NSF: variants seen among roughly 807,000 people sequenced by gnomAD.
NSF encodes the protein N-ethylmaleimide sensitive factor, vesicle fusing ATPase, also known as vesicle-fusing ATPase.
Under a neutral mutation model 50.3 loss-of-function variants are expected in NSF, and 14 were observed. That is an observed-to-expected ratio of 0.28 (90% confidence interval 0.18 to 0.44). The LOEUF is 0.44. Among genes scored for constraint, NSF ranks in the 20% least tolerant of loss-of-function variants. The pLI, the probability that NSF is intolerant of heterozygous loss-of-function variation, is 1.00. For missense variants in NSF, 218 were observed against 504.3 expected (o/e 0.43, Z 5.44); for synonymous variants, 109 against 175.7 (o/e 0.62, Z 3.00).
rs183868515 is a variant in NSF, at chr17:46,714,395, A to G, written c.1761+409A>G. Among the ~76,000 whole-genome samples, 4 of 152,322 alleles carry G rather than the reference A, an allele frequency of 2.6e-5. No individual in the cohort carries two copies. In the East Asian group the frequency reaches 7.7e-4, roughly 29 times the overall value. The stretch of plus-strand genomic sequence containing the variant: ...GAAGACAGAGATGTATCAATGGGAA[A>G]ATAGTCCCAGGAATCCCTACAAAAG... On this transcript the variant is annotated intron_variant, in intron 15 of 20. Transcript: ENST00000398238.
chr17:46,679,069 C>T (rs2058428624), intron 9 of NSF, among the ~76,000 whole-genome samples: 1 of 151,918 alleles, frequency 6.6e-6, no homozygotes, highest in Admixed American at 6.5e-5. Flanking sequence ...GAGAGCTTAC[C>T]TAAAGTATAG....
intron 17 of NSF, among the ~76,000 whole-genome samples, chr17:46,735,068 A>G (rs1425858900): frequency 6.6e-6 from 1 of 152,200 alleles, no homozygotes. Context: ...AAACCAACAA[A>G]AAACAGTGAA....
intron 4 of NSF, among the ~76,000 whole-genome samples, chr17:46,631,088 A>ACACACACACACACACACACACG (rs2058134569): frequency 6.9e-6 from 1 of 145,932 alleles, no homozygotes; most frequent in East Asian, 2.0e-4. Flanking sequence ...ACACACACAC[A>ACACACACACACACACACACACG]CACACACACA....
chr17:46,679,748 T>A (rs917226857), intron 9 of NSF, among the ~76,000 whole-genome samples: 5 of 151,082 alleles, frequency 3.3e-5, no homozygotes, highest in African/African-American at 9.8e-5. Flanking sequence ...AATGTGCATG[T>A]GAAAGTTGTA....
intron 17 of NSF, among the ~76,000 whole-genome samples, chr17:46,743,367 T>G (rs1044488593): frequency 6.6e-6 from 1 of 152,206 alleles, no homozygotes; most frequent in African/African-American, 2.4e-5. Flanking sequence ...GATGCTTGCT[T>G]CTTTTCCTTC....
intron 17 of NSF, among the ~76,000 whole-genome samples, chr17:46,729,479 G>GTGGC (rs2058926982): frequency 1.3e-5 from 2 of 152,222 alleles, no homozygotes; most frequent in South Asian, 4.1e-4. Flanking sequence ...TTTTACTGAT[G>GTGGC]TGGCTATTAG....
chr17:46,731,014 TTC>T (rs1277374516), intron 17 of NSF, among the ~76,000 whole-genome samples: 1 of 152,144 alleles, frequency 6.6e-6, no homozygotes, highest in Non-Finnish European at 1.5e-5. Flanking sequence ...AACCCAGCTA[TTC>T]CACCAAGTAT....
At chr17:46,721,952 A>C in intron 15 of NSF, 1 of 1,604,446 alleles carries the variant, frequency 6.2e-7, no homozygotes, top group Non-Finnish European at 8.5e-7. Context: ...GATTTTCTGG[A>C]AAGATTTCAG....
At chr17:46,742,052 C>T (rs2146323263) in intron 17 of NSF, among the ~76,000 whole-genome samples, 1 of 152,290 alleles carries the variant, frequency 6.6e-6, no homozygotes, top group East Asian at 1.9e-4. Flanking sequence ...CTGCACTGGC[C>T]AATAGTACTT....
At chr17:46,744,258 C>T (rs1028374117) in intron 17 of NSF, among the ~76,000 whole-genome samples, 1 of 152,218 alleles carries the variant, frequency 6.6e-6, no homozygotes, top group Non-Finnish European at 1.5e-5. Context: ...ATTGTTAATG[C>T]TCCAATTGGC....
At chr17:46,724,540 G>T (rs1459020883) in intron 15 of NSF, among the ~76,000 whole-genome samples, 1 of 152,100 alleles carries the variant, frequency 6.6e-6, no homozygotes, top group East Asian at 1.9e-4. Flanking sequence ...ACCAAAGCAA[G>T]CCCCATAGTT....
chr17:46,724,600 G>A (rs149531260), intron 15 of NSF, among the ~76,000 whole-genome samples: 88 of 152,230 alleles, frequency 5.8e-4, no homozygotes, highest in African/African-American at 1.9e-3. Context: ...CTGTGCCCCC[G>A]TATCATCTTG....
At chr17:46,708,490 C>G (rs1158124285) in intron 13 of NSF, among the ~76,000 whole-genome samples, 1 of 143,048 alleles carries the variant, frequency 7.0e-6, no homozygotes, top group African/African-American at 2.6e-5. Flanking sequence ...TGTTACATAT[C>G]CTTTTTTTTT....
chr17:46,687,425 C>T (rs2146220678), intron 9 of NSF, among the ~76,000 whole-genome samples: 1 of 151,302 alleles, frequency 6.6e-6, no homozygotes, highest in South Asian at 2.1e-4. Context: ...TCCCTTGTAT[C>T]TTTTCCCTTC....
intron 1 of NSF, among the ~76,000 whole-genome samples, chr17:46,622,687 T>C (rs1008136841): frequency 6.9e-6 from 1 of 144,820 alleles, no homozygotes; most frequent in Non-Finnish European, 1.5e-5. Flanking sequence ...GGCATGAGAA[T>C]CGCTTGAACC....
At chr17:46,742,061 T>G (rs2059078933) in intron 17 of NSF, among the ~76,000 whole-genome samples, 1 of 152,228 alleles carries the variant, frequency 6.6e-6, no homozygotes, top group South Asian at 2.1e-4. Flanking sequence ...CCAATAGTAC[T>G]TGTTATCTCA....
At chr17:46,684,402 A>G (rs1485518689) in intron 9 of NSF, among the ~76,000 whole-genome samples, 2 of 151,382 alleles carry the variant, frequency 1.3e-5, no homozygotes, top group Non-Finnish European at 1.5e-5. Flanking sequence ...AGTCTTTGCT[A>G]TTGTGAACAG....
At chr17:46,728,993 A>T (rs1468776768) in intron 17 of NSF, 59 bp downstream of exon 17, 1 of 1,030,778 alleles carries the variant, frequency 9.7e-7, no homozygotes, top group Non-Finnish European at 1.5e-6. Flanking sequence ...TAAATCGCAT[A>T]TAATGATACA....
At chr17:46,688,027 TA>T (rs1339918871) in intron 9 of NSF, among the ~76,000 whole-genome samples, 2 of 106,750 alleles carry the variant, frequency 1.9e-5, no homozygotes, top group East Asian at 2.5e-4. Flanking sequence ...CAGATTTTTT[TA>T]AAAACTTAGA....
Sources: gnomAD v4.1 joint callset for allele counts (sites outside exome capture counted in the v4.1 genomes callset) on GRCh38, gnomAD v4.1.1 for gene constraint, MANE v1.5 for transcripts, NCBI Gene and HGNC (gene_info 2026-07-23, HGNC 2026-07-21) for gene names.